The following HACD3 variants were observed in gnomAD, a reference collection of about 807,000 sequenced individuals.
HACD3 encodes the protein 3-hydroxyacyl-CoA dehydratase 3.
Under a neutral mutation model 55.2 loss-of-function variants are expected in HACD3, and 30 were observed. The ratio of observed to expected loss-of-function variants is 0.54; its 90% CI spans 0.41 to 0.74. HACD3 has a LOEUF of 0.74. Ranked by LOEUF, HACD3 falls within the 30% of genes least tolerant of loss-of-function variation. The pLI, the probability that HACD3 is intolerant of heterozygous loss-of-function variation, is 0.00. For synonymous variants in HACD3, 141 were observed against 151.7 expected (o/e 0.93, Z 0.52); for missense variants, 363 against 440.1 (o/e 0.82, Z 1.57).
At chr15:65,558,867 A>G (rs2072219313) in intron 5 of HACD3, 136 bp downstream of exon 5, 3 of 981,600 alleles carry the variant, frequency 3.1e-6, no homozygotes, top group Non-Finnish European at 4.7e-6. Context: ...AAAAGCTTTT[A>G]GGTCCAGTGC....
chr15:65,547,449 A>G (rs767202361), intron 1 of HACD3, among the ~76,000 whole-genome samples: 23 of 152,176 alleles, frequency 1.5e-4, no homozygotes, highest in Non-Finnish European at 7.4e-5. Context: ...CTTGTTACTT[A>G]GGTAACCTCT....
chr15:65,538,635 C>T (rs533133666), intron 1 of HACD3, among the ~76,000 whole-genome samples: 1 of 152,168 alleles, frequency 6.6e-6, no homozygotes, highest in East Asian at 1.9e-4. Context: ...AAAGCAGTGG[C>T]AGGGGTTGAG....
intron 1 of HACD3, among the ~76,000 whole-genome samples, chr15:65,543,805 T>G (rs1409377237): frequency 1.3e-5 from 2 of 152,240 alleles, no homozygotes; most frequent in African/African-American, 4.8e-5. Flanking sequence ...GGATTTCTAC[T>G]GGCCAAGTTT....
intron 3 of HACD3, among the ~76,000 whole-genome samples, chr15:65,555,541 C>T (rs2072180857): frequency 6.6e-6 from 1 of 152,214 alleles, no homozygotes; most frequent in Non-Finnish European, 1.5e-5. Context: ...TCTGGAATTA[C>T]ACTTAGCTCT....
At chr15:65,558,184 C>A (rs1286565225) in intron 4 of HACD3, among the ~76,000 whole-genome samples, 1 of 152,100 alleles carries the variant, frequency 6.6e-6, no homozygotes, top group Non-Finnish European at 1.5e-5. Flanking sequence ...TGGATAGTAA[C>A]CCATGCATAC....
At chr15:65,539,793 C>T (rs1010985120) in intron 1 of HACD3, among the ~76,000 whole-genome samples, 5 of 150,838 alleles carry the variant, frequency 3.3e-5, no homozygotes, top group African/African-American at 1.2e-4. Flanking sequence ...TGAAACAGAA[C>T]CATCTTTATA....
chr15:65,554,800 A>G (rs1567335885), intron 2 of HACD3, 87 bp from the exon 3 acceptor site: 4 of 906,894 alleles, frequency 4.4e-6, no homozygotes, highest in Non-Finnish European at 5.3e-6. Context: ...TAATATTCGC[A>G]TACTTGGGAA....
chr15:65,563,981 GAGAA>G (rs1186790069), intron 6 of HACD3, among the ~76,000 whole-genome samples: 25 of 151,702 alleles, frequency 1.6e-4, no homozygotes, highest in African/African-American at 5.3e-4. Context: ...AAAAAAAAAA[GAGAA>G]AGGCATATAA....
At position 65,535,880 on chromosome 15, in the gene HACD3, G is replaced by C. The variant is rs1044128395; in HGVS notation, c.87+5162G>C. 1.1e-5 allele frequency: 6 copies of C among 557,792 alleles called. No individual in the cohort carries two copies. In the African/African-American group the frequency reaches 1.1e-4, roughly 11 times the overall value. The allele number at this position is 557,792 out of a possible 1,614,324, so 34.6% of individuals were successfully genotyped here. On this transcript the variant is annotated intron_variant, in intron 1 of 10. Coordinates refer to ENST00000261875, the MANE Select transcript of HACD3 (RefSeq NM_016395.4). ...CAATTTTTTAATTTTTTTAGAGGTGGGGTCTCATTATGTTGGCCAGGCTGG... is the reference window on the plus strand; with the variant it reads ...CAATTTTTTAATTTTTTTAGAGGTGCGGTCTCATTATGTTGGCCAGGCTGG...
intron 8 of HACD3, 86 bp downstream of exon 8, chr15:65,570,289 A>G: frequency 9.9e-7 from 1 of 1,005,958 alleles, no homozygotes; most frequent in Admixed American, 2.3e-5. Context: ...TCTTAGCCAG[A>G]GTCTCATTTG....
intron 1 of HACD3, among the ~76,000 whole-genome samples, chr15:65,532,144 G>A (rs2071907319): frequency 6.6e-6 from 1 of 152,078 alleles, no homozygotes; most frequent in African/African-American, 2.4e-5. Context: ...ACATTGCATG[G>A]TGTGTCGTTT....
chr15:65,555,175 G>A (rs1306056881), intron 3 of HACD3, among the ~76,000 whole-genome samples: 1 of 152,198 alleles, frequency 6.6e-6, no homozygotes, highest in African/African-American at 2.4e-5. Context: ...TTTATTAGCA[G>A]TGTGATCTTG....
intron 7 of HACD3, chr15:65,565,665 GC>G (rs2072283637): frequency 6.6e-6 from 1 of 152,240 alleles, no homozygotes; most frequent in Non-Finnish European, 1.5e-5. Flanking sequence ...GGGACCCTGG[GC>G]CTCCGCGCCT....
chr15:65,576,427 CTTA>C lies in HACD3; in HGVS notation c.*49_*51del. 2 of 1,524,874 alleles carry C rather than the reference CTTA, an allele frequency of 1.3e-6. No homozygotes were observed. Among genetic ancestry groups the C allele is most frequent in the Non-Finnish European group, 1.8e-6 (2 of 1,135,516 alleles). 94.5% of individuals were successfully genotyped at this position (1,524,874 alleles called of 1,614,324 possible). On this transcript the variant is annotated 3_prime_UTR_variant, in exon 11 of 11. Transcript: ENST00000261875. ...TTGCCAGTTTGAGCCTAATCTGATT[CTTA>C]CAGTTTTACCTTCTTGAACCAATGT...
At chr15:65,554,859 G>GC (rs1278322361) in intron 2 of HACD3, 28 bp from the exon 3 acceptor site, 1 of 1,557,278 alleles carries the variant, frequency 6.4e-7, no homozygotes, top group Non-Finnish European at 8.9e-7. Flanking sequence ...GCTCAAGTTT[G>GC]CAGTAACCCA....
chr15:65,553,526 T>C (rs2072156222), intron 2 of HACD3, among the ~76,000 whole-genome samples: 1 of 152,234 alleles, frequency 6.6e-6, no homozygotes, highest in Admixed American at 6.5e-5. Flanking sequence ...AAAGAGTTTC[T>C]GCTTTATGTG....
intron 2 of HACD3, among the ~76,000 whole-genome samples, chr15:65,552,325 A>C (rs2072141836): frequency 1.3e-5 from 2 of 152,160 alleles, no homozygotes; most frequent in African/African-American, 4.8e-5. Context: ...GGAAACATAA[A>C]ATAGAAAATT....
At chr15:65,557,255 C>G (rs2072201524) in intron 4 of HACD3, among the ~76,000 whole-genome samples, 1 of 152,138 alleles carries the variant, frequency 6.6e-6, no homozygotes, top group Admixed American at 6.5e-5. Context: ...GTGCGTGGAT[C>G]ACGAGGTCAG....
At chr15:65,545,018 TAAA>T (rs1220934801) in intron 1 of HACD3, among the ~76,000 whole-genome samples, 1 of 127,186 alleles carries the variant, frequency 7.9e-6, no homozygotes, top group African/African-American at 2.9e-5. Flanking sequence ...AAATTCTGTC[TAAA>T]AAAAAAAAAA....
Sources: gnomAD v4.1 joint callset for allele counts (sites outside exome capture counted in the v4.1 genomes callset) on GRCh38, gnomAD v4.1.1 for gene constraint, MANE v1.5 for transcripts, NCBI Gene and HGNC (gene_info 2026-07-23, HGNC 2026-07-21) for gene names.